The following PACRG variants were observed in gnomAD, a reference collection of about 807,000 sequenced individuals.
PACRG encodes the protein parkin coregulated gene protein.
PACRG carries 29 observed loss-of-function variants against 29.7 expected under a neutral mutation model. That is an observed-to-expected ratio of 0.98 (90% CI 0.73 to 1.33). PACRG has a LOEUF of 1.33. PACRG is among the 40% of genes most tolerant of loss of function. PACRG has a pLI of 0.00. For missense variants in PACRG, 279 were observed against 316.2 expected (o/e 0.88, Z 0.89); for synonymous variants, 116 against 118.7 (o/e 0.98, Z 0.15).
chr6:162,951,538 G>C (rs1357907660), intron 2 of PACRG, among the ~76,000 whole-genome samples: 1 of 152,184 alleles, frequency 6.6e-6, no homozygotes, highest in Non-Finnish European at 1.5e-5. Flanking sequence ...CTTCATTGTA[G>C]AAAGGGAGGT....
At chr6:163,041,018 C>G (rs549535270) in intron 2 of PACRG, among the ~76,000 whole-genome samples, 1 of 152,128 alleles carries the variant, frequency 6.6e-6, no homozygotes, top group Non-Finnish European at 1.5e-5. Context: ...TCTGTGTCCT[C>G]ACCCAAATCT....
At chr6:163,007,687 G>A (rs956765750) in intron 2 of PACRG, among the ~76,000 whole-genome samples, 1 of 152,126 alleles carries the variant, frequency 6.6e-6, no homozygotes, top group Non-Finnish European at 1.5e-5. Flanking sequence ...GATGTCCAGT[G>A]CCTTGAGAAA....
chr6:162,859,744 G>A (rs1791698681), intron 2 of PACRG, among the ~76,000 whole-genome samples: 1 of 152,180 alleles, frequency 6.6e-6, no homozygotes, highest in African/African-American at 2.4e-5. Flanking sequence ...CCTCAGTTTA[G>A]TACATTAGGT....
At chr6:163,016,121 G>C (rs1806082186) in intron 2 of PACRG, 1 of 152,190 alleles carries the variant, frequency 6.6e-6, no homozygotes, top group African/African-American at 2.4e-5. Context: ...ACAAGACGAG[G>C]TGTTCTCAAA....
At chr6:162,795,576 A>T (rs1205303231) in intron 1 of PACRG, among the ~76,000 whole-genome samples, 1 of 152,096 alleles carries the variant, frequency 6.6e-6, no homozygotes, top group Non-Finnish European at 1.5e-5. Context: ...CTAATTTTTT[A>T]AAATAATTCA....
At chr6:163,032,625 T>C (rs181524453) in intron 2 of PACRG, among the ~76,000 whole-genome samples, 123 of 152,320 alleles carry the variant, frequency 8.1e-4, no homozygotes, top group African/African-American at 2.9e-3. Flanking sequence ...TTTATAATTT[T>C]AGAAGACATA....
intron 2 of PACRG, among the ~76,000 whole-genome samples, chr6:163,061,710 A>G (rs1431400618): frequency 6.6e-6 from 1 of 152,202 alleles, no homozygotes; most frequent in South Asian, 2.1e-4. Flanking sequence ...GAACGTATGA[A>G]CATGCACTTC....
chr6:163,243,852 C>T (rs1386262267), intron 4 of PACRG, among the ~76,000 whole-genome samples: 1 of 109,962 alleles, frequency 9.1e-6, no homozygotes, highest in African/African-American at 5.2e-5. Flanking sequence ...GCTGCTGAGA[C>T]TTAGTAACTG....
At chr6:163,049,812 G>C (rs1283314491) in intron 2 of PACRG, among the ~76,000 whole-genome samples, 1 of 151,978 alleles carries the variant, frequency 6.6e-6, no homozygotes, top group African/African-American at 2.4e-5. Flanking sequence ...TAGAAAAACA[G>C]GTAGTCATTT....
At chr6:163,136,459 T>C (rs567690849) in intron 4 of PACRG, among the ~76,000 whole-genome samples, 25 of 152,358 alleles carry the variant, frequency 1.6e-4, no homozygotes, top group African/African-American at 6.0e-4. Flanking sequence ...CAGATTAGTT[T>C]ATGGGAAATT....
chr6:163,023,376 C>G (rs985651274), intron 2 of PACRG, among the ~76,000 whole-genome samples: 1 of 152,164 alleles, frequency 6.6e-6, no homozygotes, highest in African/African-American at 2.4e-5. Context: ...ACCTCCAGCT[C>G]TATTTACGTT....
At chr6:163,130,343 C>T (rs1168617845) in intron 4 of PACRG, among the ~76,000 whole-genome samples, 3 of 152,178 alleles carry the variant, frequency 2.0e-5, no homozygotes, top group African/African-American at 4.8e-5. Flanking sequence ...CTATGCCCAA[C>T]GTCTGGCTAT....
intron 2 of PACRG, among the ~76,000 whole-genome samples, chr6:162,854,564 T>A (rs1229224587): frequency 2.6e-5 from 4 of 152,162 alleles, no homozygotes; most frequent in African/African-American, 9.7e-5. Flanking sequence ...AGACTGACTT[T>A]ATTTCTCTCC....
At chr6:162,806,859 C>T (rs1182846573) in intron 1 of PACRG, among the ~76,000 whole-genome samples, 1 of 152,200 alleles carries the variant, frequency 6.6e-6, no homozygotes, top group Non-Finnish European at 1.5e-5. Context: ...GAATTATCCT[C>T]AGTAGCTTTA....
chr6:162,747,246 A>G (rs1781060303), intron 1 of PACRG, among the ~76,000 whole-genome samples: 1 of 146,504 alleles, frequency 6.8e-6, no homozygotes, highest in Non-Finnish European at 1.5e-5. Context: ...TCTTTCTCCC[A>G]TGCTGGATGC....
chr6:162,756,783 G>A (rs1379216201), intron 1 of PACRG, among the ~76,000 whole-genome samples: 1 of 151,942 alleles, frequency 6.6e-6, no homozygotes, highest in Non-Finnish European at 1.5e-5. Flanking sequence ...TATGCTTTGA[G>A]TCCTTTTTAA....
rs536520008 is a variant in PACRG, at chr6:162,989,731, T to TC, written c.292-72419_292-72418insC. ...CTGTGTTCAGTACTTCCTTTTTTTTTTTTTCTTTTCTTTTTTTTTATTATA... is the reference window on the plus strand; with the variant it reads ...CTGTGTTCAGTACTTCCTTTTTTTTTCTTTTCTTTTCTTTTTTTTTATTATA... On this transcript the variant is annotated intron_variant, in intron 2 of 4. Transcript: ENST00000366888. 3.6e-3 allele frequency among the ~76,000 whole-genome samples: 546 copies of TC among 151,546 alleles called. 2 individuals are homozygous for TC. Among genetic ancestry groups the TC allele is most frequent in the Non-Finnish European group, 6.2e-3 (420 of 67,860 alleles).
At chr6:162,905,618 A>G (rs530047441) in intron 2 of PACRG, among the ~76,000 whole-genome samples, 1 of 152,272 alleles carries the variant, frequency 6.6e-6, no homozygotes, top group South Asian at 2.1e-4. Context: ...GTGGAAAGGG[A>G]GAGAGGGAGA....
intron 2 of PACRG, among the ~76,000 whole-genome samples, chr6:162,826,102 C>G (rs1433393745): frequency 6.6e-6 from 1 of 152,030 alleles, no homozygotes; most frequent in Non-Finnish European, 1.5e-5. Context: ...CAATGTCAGA[C>G]CAATTCTAAT....
Sources: allele counts gnomAD v4.1 joint callset (sites outside exome capture counted in the v4.1 genomes callset), GRCh38; gene constraint gnomAD v4.1.1; transcripts MANE v1.5; gene names NCBI Gene and HGNC (gene_info 2026-07-23, HGNC 2026-07-21).